Variants in NPAS3 observed in about 807,000 individuals in gnomAD.
NPAS3 encodes the protein neuronal PAS domain protein 3, also known as neuronal PAS domain-containing protein 3.
In NPAS3, 14 loss-of-function variants were observed where a neutral mutation model predicts 73.1. That is an observed-to-expected ratio of 0.19 (90% CI 0.13 to 0.30). NPAS3 has a LOEUF of 0.30. NPAS3 is among the 10% of genes least tolerant of loss of function. The pLI, the probability that NPAS3 is intolerant of heterozygous loss-of-function variation, is 1.00. For synonymous variants in NPAS3, 620 were observed against 541.5 expected (o/e 1.14, Z -2.01); for missense variants, 1,096 against 1,250.0 (o/e 0.88, Z 1.86).
intron 5 of NPAS3, among the ~76,000 whole-genome samples, chr14:33,596,723 T>G (rs1400625467): frequency 1.3e-5 from 2 of 152,238 alleles, no homozygotes; most frequent in African/African-American, 4.8e-5. Flanking sequence ...CTGTTTCTTT[T>G]CAAATGGGTT....
chr14:33,035,301 A>T (rs529845231), intron 1 of NPAS3, among the ~76,000 whole-genome samples: 2 of 152,300 alleles, frequency 1.3e-5, no homozygotes, highest in South Asian at 4.1e-4. Context: ...ATTACCTAGA[A>T]GCAGATTTTT....
chr14:33,672,890 T>C (rs181012085), intron 5 of NPAS3, among the ~76,000 whole-genome samples: 111 of 152,368 alleles, frequency 7.3e-4, no homozygotes, highest in African/African-American at 2.6e-3. Flanking sequence ...TTTTAAGGTG[T>C]CTTCTGGCTC....
At chr14:32,940,496 C>A (rs570027795) in intron 1 of NPAS3, among the ~76,000 whole-genome samples, 2 of 152,344 alleles carry the variant, frequency 1.3e-5, no homozygotes, top group East Asian at 3.9e-4. Context: ...AAGTGGATAT[C>A]TCTTTCTGTC....
At chr14:33,414,721 G>A (rs1210503499) in intron 4 of NPAS3, among the ~76,000 whole-genome samples, 1 of 152,074 alleles carries the variant, frequency 6.6e-6, no homozygotes, top group East Asian at 1.9e-4. Flanking sequence ...CTCAGTTAGG[G>A]CCACTTAGCA....
At chr14:33,747,275 C>T (rs969303431) in intron 7 of NPAS3, among the ~76,000 whole-genome samples, 2 of 152,146 alleles carry the variant, frequency 1.3e-5, no homozygotes, top group Admixed American at 6.5e-5. Context: ...ATGATGAGTT[C>T]ATGTCCTTTG....
intron 3 of NPAS3, among the ~76,000 whole-genome samples, chr14:33,291,890 C>T (rs1035715205): frequency 2.6e-5 from 4 of 152,146 alleles, no homozygotes; most frequent in Non-Finnish European, 4.4e-5. Flanking sequence ...CCCTTGCTGC[C>T]GACAAATAGC....
chr14:33,443,080 C>T (rs2049325479), intron 4 of NPAS3, among the ~76,000 whole-genome samples: 1 of 152,312 alleles, frequency 6.6e-6, no homozygotes, highest in South Asian at 2.1e-4. Context: ...GAGCCCTTTA[C>T]AGATTGACCA....
At chr14:33,523,903 C>A (rs1386568171) in intron 4 of NPAS3, among the ~76,000 whole-genome samples, 1 of 148,360 alleles carries the variant, frequency 6.7e-6, no homozygotes, top group Non-Finnish European at 1.5e-5. Context: ...CACAACACAC[C>A]TACGCCTTGA....
chr14:33,663,096 C>T (rs1413078177), intron 5 of NPAS3, among the ~76,000 whole-genome samples: 1 of 151,846 alleles, frequency 6.6e-6, no homozygotes, highest in Non-Finnish European at 1.5e-5. Context: ...TTGCGCTGGC[C>T]AGAACTTCCA....
intron 6 of NPAS3, among the ~76,000 whole-genome samples, chr14:33,682,907 G>A (rs955325618): frequency 4.6e-5 from 7 of 152,270 alleles, no homozygotes; most frequent in African/African-American, 1.7e-4. Context: ...CTCCCAGAAG[G>A]CACAGCTGCA....
intron 1 of NPAS3, among the ~76,000 whole-genome samples, chr14:33,022,664 CAAAAAAAAA>C (rs34475386): frequency 2.1e-5 from 2 of 97,460 alleles, no homozygotes; most frequent in Admixed American, 1.3e-4. Flanking sequence ...GACTCCGTCC[CAAAAAAAAA>C]AAAAAAAAAA....
chr14:33,474,460 A>T (rs2050928180), intron 4 of NPAS3, among the ~76,000 whole-genome samples: 1 of 152,212 alleles, frequency 6.6e-6, no homozygotes, highest in Non-Finnish European at 1.5e-5. Context: ...AAATGAAGAG[A>T]ATATACAGAA....
chr14:33,238,478 T>C (rs1320712713), intron 3 of NPAS3, among the ~76,000 whole-genome samples: 1 of 152,030 alleles, frequency 6.6e-6, no homozygotes, highest in Admixed American at 6.6e-5. Flanking sequence ...AAGTAGATCA[T>C]GGATCAGGAA....
chr14:33,404,946 C>T (rs1847188433), intron 4 of NPAS3, among the ~76,000 whole-genome samples: 1 of 152,094 alleles, frequency 6.6e-6, no homozygotes, highest in Admixed American at 6.6e-5. Context: ...CCATGTTGCT[C>T]TTGTTCTCCC....
intron 9 of NPAS3, among the ~76,000 whole-genome samples, chr14:33,793,238 G>C (rs1313072677): frequency 1.3e-5 from 2 of 152,348 alleles, no homozygotes; most frequent in East Asian, 3.9e-4. Context: ...CTCCAGCCAA[G>C]TCAATTCTGT....
At chr14:33,502,881 T>C (rs1192616232) in intron 4 of NPAS3, among the ~76,000 whole-genome samples, 1 of 152,016 alleles carries the variant, frequency 6.6e-6, no homozygotes, top group Non-Finnish European at 1.5e-5. Context: ...TTTTGGGTCT[T>C]GCTTGAAGTA....
intron 1 of NPAS3, among the ~76,000 whole-genome samples, chr14:32,981,049 C>G (rs567126062): frequency 1.3e-5 from 2 of 152,096 alleles, no homozygotes. Flanking sequence ...CAGAAGAACT[C>G]GGAAATGCCT....
intron 1 of NPAS3, among the ~76,000 whole-genome samples, chr14:32,960,989 G>A (rs1197818915): frequency 1.3e-5 from 2 of 152,154 alleles, no homozygotes; most frequent in African/African-American, 4.8e-5. Context: ...ATAATTTCAT[G>A]GCAGCTCTTG....
intron 1 of NPAS3, among the ~76,000 whole-genome samples, chr14:33,013,500 T>C (rs947187231): frequency 6.6e-6 from 1 of 152,184 alleles, no homozygotes; most frequent in Non-Finnish European, 1.5e-5. Context: ...TGCCACACAG[T>C]GTACAGAAAT....
Sources: allele counts gnomAD v4.1 joint callset (sites outside exome capture counted in the v4.1 genomes callset), GRCh38; gene constraint gnomAD v4.1.1; transcripts MANE v1.5; gene names NCBI Gene and HGNC (gene_info 2026-07-23, HGNC 2026-07-21).